CUX2: variants seen among roughly 807,000 people sequenced by gnomAD.
CUX2 encodes the protein homeobox protein cut-like 2.
A neutral mutation model predicts 144.8 loss-of-function variants in CUX2; 40 were observed. That is an observed-to-expected ratio of 0.28 (90% CI 0.21 to 0.36). The LOEUF (loss-of-function observed/expected upper bound fraction) is 0.36, where lower values mean the gene tolerates loss of function less well. CUX2 is among the 10% of genes least tolerant of loss of function. CUX2 has a pLI of 1.00. For missense variants in CUX2, 1,615 were observed against 1,994.0 expected (o/e 0.81, Z 3.62); for synonymous variants, 827 against 875.6 (o/e 0.94, Z 0.98).
intron 3 of CUX2, among the ~76,000 whole-genome samples, chr12:111,237,321 AG>A (rs1312004626): frequency 6.6e-6 from 1 of 152,124 alleles, no homozygotes; most frequent in Non-Finnish European, 1.5e-5. Context: ...CCCTTCTCCC[AG>A]GATGCTTTTC....
At chr12:111,328,941 A>ATCTCTCCCTC (rs1887949182) in intron 18 of CUX2, among the ~76,000 whole-genome samples, 16 of 28,988 alleles carry the variant, frequency 5.5e-4, no homozygotes, top group African/African-American at 3.4e-3. Context: ...TGATTCACCT[A>ATCTCTCCCTC]TCTCTCTCTC....
chr12:111,052,530 G>A (rs1216681804), intron 1 of CUX2, among the ~76,000 whole-genome samples: 1 of 152,090 alleles, frequency 6.6e-6, no homozygotes, highest in East Asian at 1.9e-4. Flanking sequence ...CATCTTTGTG[G>A]GTACATATCT....
intron 1 of CUX2, among the ~76,000 whole-genome samples, chr12:111,184,888 C>A (rs1260784882): frequency 6.6e-6 from 1 of 151,936 alleles, no homozygotes; most frequent in Admixed American, 6.6e-5. Flanking sequence ...ACAGTGAAAC[C>A]CCGTCTCTAC....
rs1884213085 is a variant in CUX2 at position 111,263,156 on chromosome 12, C to T, written c.223-605C>T. ...CTTCATTTCTCCTTCTTGCCCCTCC[C>T]CTATCCCATGTTTGCACAAGTAGAA... On this transcript the variant is annotated intron_variant, in intron 3 of 21. Transcript: ENST00000261726. The surrounding 1 kb of genome is among the most constrained non-coding windows in gnomAD (Gnocchi z 4.0). Among the ~76,000 whole-genome samples, 1 of 152,196 alleles carries T rather than the reference C, an allele frequency of 6.6e-6. No individual in the cohort carries two copies. Among genetic ancestry groups the T allele is most frequent in the Admixed American group, 6.5e-5 (1 of 15,276 alleles).
chr12:111,227,535 C>G (rs1225194964), intron 3 of CUX2, among the ~76,000 whole-genome samples: 1 of 152,188 alleles, frequency 6.6e-6, no homozygotes, highest in African/African-American at 2.4e-5. Flanking sequence ...TCTGTTCTCT[C>G]CAAAACCTAA....
In CUX2 at chr12:111,171,095, G is replaced by C. The variant is rs1026334296; in HGVS notation, c.64-43105G>C. Among the ~76,000 whole-genome samples, 3 of 152,148 alleles carry C rather than the reference G, an allele frequency of 2.0e-5. No homozygotes were observed. The highest frequency in any genetic ancestry group is 4.8e-5 in the African/African-American group (2 of 41,436). ...AGAGTGGCGTTGGCATCCAAGGAGA[G>C]AATAGGTGCTGGTAACACCTGGAGT... On this transcript the variant is annotated intron_variant, in intron 1 of 21. Coordinates refer to ENST00000261726, the MANE Select transcript of CUX2 (RefSeq NM_015267.4). The surrounding 1 kb of genome is among the most constrained non-coding windows in gnomAD (Gnocchi z 5.0).
In CUX2 at chr12:111,154,893, A is replaced by G. The variant is rs151040853; in HGVS notation, c.64-59307A>G. The stretch of plus-strand genomic sequence containing the variant: ...GTGAGGACCTTCCTTTGGGGATGAC[A>G]GCCTTGCTTTGGGGCACTTGGGCAG... On this transcript the variant is annotated intron_variant, in intron 1 of 21. Coordinates refer to ENST00000261726, the MANE Select transcript of CUX2 (RefSeq NM_015267.4). 6.8e-3 allele frequency among the ~76,000 whole-genome samples: 1,032 copies of G among 152,256 alleles called. 8 individuals carry two copies. The highest frequency in any genetic ancestry group is 0.024 in the African/African-American group (997 of 41,556).
intron 1 of CUX2, among the ~76,000 whole-genome samples, chr12:111,174,590 T>C (rs1206221163): frequency 2.0e-5 from 3 of 152,196 alleles, no homozygotes; most frequent in Admixed American, 1.3e-4. Flanking sequence ...CCAAATACCC[T>C]GCAGGAAAGG....
At chr12:111,343,006 T>G (rs1054469584) in intron 21 of CUX2, among the ~76,000 whole-genome samples, 2 of 151,028 alleles carry the variant, frequency 1.3e-5, no homozygotes. Context: ...GTGGTGGGTA[T>G]TGATATGATT....
intron 4 of CUX2, among the ~76,000 whole-genome samples, chr12:111,267,269 T>TC (rs1884436074): frequency 6.9e-6 from 1 of 145,362 alleles, no homozygotes; most frequent in East Asian, 2.2e-4. Context: ...TCAGGCCCCA[T>TC]CCCCGGCCCA....
At position 111,282,369 on chromosome 12, in the gene CUX2, G is replaced by A. The variant is rs576019521; in HGVS notation, c.302-9049G>A. On this transcript the variant is annotated intron_variant, in intron 4 of 21. Transcript: ENST00000261726. The stretch of plus-strand genomic sequence containing the variant: ...AGGCCGTGCGCCTTGGCTCACGCCT[G>A]TAATCCCAGCACTTTGGGAAGCCAA... Among the ~76,000 whole-genome samples the A allele has an allele frequency of 3.9e-3, 591 of 151,190 alleles. 3 individuals are homozygous for A. Among genetic ancestry groups the A allele is most frequent in the African/African-American group, 0.013 (540 of 41,230 alleles).
intron 9 of CUX2, among the ~76,000 whole-genome samples, 159 bp downstream of exon 9, chr12:111,298,748 C>T (rs920843645): frequency 6.6e-6 from 1 of 152,206 alleles, no homozygotes; most frequent in East Asian, 1.9e-4. Context: ...GAGTCTGGGC[C>T]CCAGGCCCTG....
At chr12:111,099,268 T>A (rs1873039264) in intron 1 of CUX2, among the ~76,000 whole-genome samples, 1 of 152,178 alleles carries the variant, frequency 6.6e-6, no homozygotes, top group South Asian at 2.1e-4. Context: ...GTGGGCTTTG[T>A]GCAAATCACT....
chr12:111,249,103 A>C (rs1883424344), intron 3 of CUX2, among the ~76,000 whole-genome samples: 1 of 152,172 alleles, frequency 6.6e-6, no homozygotes. Context: ...TGGGACACAC[A>C]TGTGCAGGGA....
chr12:111,341,933 A>G lies in CUX2; in HGVS notation c.3539A>G (p.Lys1180Arg). The G allele has an allele frequency of 2.5e-6, 4 of 1,614,152 alleles. No individual in the cohort carries two copies. Among genetic ancestry groups the G allele is most frequent in the Non-Finnish European group, 3.4e-6 (4 of 1,180,028 alleles). Residue 1180 changes from lysine (K) to arginine (R), a missense_variant, in exon 21 of 22, where the codon AAG (lysine) becomes AGG (arginine). Around this residue, in one of 12 missense-constraint regions of CUX2, gnomAD observed 131 missense variants for 223.1 expected, o/e 0.59. Transcript: ENST00000261726. ...KPRVVLAPEE[K>R]EALRKAYQLE... Reference sequence around the variant, plus strand: ...CGGGTGGTGCTGGCACCCGAGGAGAAGGAGGCACTGCGGAAGGCCTATCAG... The same window carrying G: ...CGGGTGGTGCTGGCACCCGAGGAGAGGGAGGCACTGCGGAAGGCCTATCAG...
At chr12:111,097,742 A>C (rs1332009017) in intron 1 of CUX2, among the ~76,000 whole-genome samples, 1 of 152,156 alleles carries the variant, frequency 6.6e-6, no homozygotes, top group Non-Finnish European at 1.5e-5. Flanking sequence ...AGGATCCGCA[A>C]AGAGACTGCA....
rs148324873 is a variant in CUX2, at chr12:111,105,009, C to T, written c.63+70769C>T. Among the ~76,000 whole-genome samples, 170 of 152,304 alleles carry T rather than the reference C, an allele frequency of 1.1e-3. 1 individual carries two copies. Among genetic ancestry groups the T allele is most frequent in the African/African-American group, 3.8e-3 (159 of 41,566 alleles). ...CCGAAACACTCTGTTTCTCCCAGCCCGGTTTTCCCAGGCATGCCTTATAAC... is the reference window on the plus strand; with the variant it reads ...CCGAAACACTCTGTTTCTCCCAGCCTGGTTTTCCCAGGCATGCCTTATAAC... On this transcript the variant is annotated intron_variant, in intron 1 of 21. Coordinates refer to ENST00000261726, the MANE Select transcript of CUX2 (RefSeq NM_015267.4).
At position 111,176,986 on chromosome 12, in the gene CUX2, C is replaced by T. The variant is rs145586219; in HGVS notation, c.64-37214C>T. ...ACATCTCCAGCCTCCACCCACTAGA[C>T]GCCAGTAGTACACCCCTAGTTGTGA... On this transcript the variant is annotated intron_variant, in intron 1 of 21. Transcript: ENST00000261726. 3.1e-3 allele frequency among the ~76,000 whole-genome samples: 467 copies of T among 152,292 alleles called. 3 individuals carry two copies. Among genetic ancestry groups the T allele is most frequent in the African/African-American group, 0.011 (452 of 41,550 alleles).
At chr12:111,220,742 GCAAAAAAAAAAAAAAAA>G (rs1565857225) in intron 3 of CUX2, among the ~76,000 whole-genome samples, 1 of 38,664 alleles carries the variant, frequency 2.6e-5, no homozygotes, top group African/African-American at 1.3e-4. Flanking sequence ...CCTCATCTCT[GCAAAAAAAAAAAAAAAA>G]AAAAAAAAAA....
Sources: allele counts gnomAD v4.1 joint callset (sites outside exome capture counted in the v4.1 genomes callset), GRCh38; gene constraint gnomAD v4.1.1; regional missense constraint gnomAD v4.1.1; non-coding constraint Gnocchi (gnomAD v3.1); transcripts MANE v1.5; gene names NCBI Gene and HGNC (gene_info 2026-07-23, HGNC 2026-07-21).